The following SNRPB variants were observed in gnomAD, a reference collection of about 807,000 sequenced individuals.
SNRPB encodes small nuclear ribonucleoprotein-associated proteins B and B'.
SNRPB carries 5 observed loss-of-function variants against 26.6 expected under a neutral mutation model. The ratio of observed to expected loss-of-function variants is 0.19; its 90% CI spans 0.10 to 0.39. The LOEUF (loss-of-function observed/expected upper bound fraction) is 0.39, where lower values mean the gene tolerates loss of function less well. Among genes scored for constraint, SNRPB ranks in the 10% least tolerant of loss-of-function variants. The pLI is 1.00. For synonymous variants in SNRPB, 122 were observed against 105.8 expected, an observed-to-expected ratio of 1.15 and a Z score of -0.94; for missense variants, 211 against 311.9, an observed-to-expected ratio of 0.68 and a Z score of 2.44.
rs1353147727 is a variant in SNRPB, at chr20:2,463,772, C to A, written c.395G>T (p.Arg132Leu). The A allele has an allele frequency of 6.3e-7, 1 of 1,599,362 alleles. No homozygotes were observed. The highest frequency in any genetic ancestry group is 8.5e-7 in the Non-Finnish European group (1 of 1,174,716). The change falls in exon 4 of 7, where the codon CGT becomes CTT. Residue 132 changes from arginine to leucine, a missense_variant. Arg to Leu is a moderately radical substitution (Grantham distance 102). Coordinates refer to ENST00000381342, the MANE Select transcript of SNRPB (RefSeq NM_003091.4). This position sits in a 1 kb window ranked among gnomAD's most constrained non-coding sequence, Gnocchi z 5.0. Reference protein sequence around the residue: ...QAPAGLAGPVRGVGGPSQQVM... With the variant: ...QAPAGLAGPVLGVGGPSQQVM... ...CTGTTGGGATGGCCCGCCAACCCCA[C>A]GGACTGGCCCAGCAAGTCCTGCAGG...
In SNRPB at chr20:2,470,736, A is replaced by G. The variant is rs1600004954; in HGVS notation, c.-46T>C. 2.5e-6 allele frequency: 4 copies of G among 1,609,054 alleles called. No homozygotes were observed. Among genetic ancestry groups the G allele is most frequent in the Non-Finnish European group, 3.4e-6 (4 of 1,178,350 alleles). On this transcript the variant is annotated 5_prime_UTR_variant, in exon 1 of 7. Coordinates refer to ENST00000381342, the MANE Select transcript of SNRPB (RefSeq NM_003091.4). ...TGATACCCGCCGGATTCGCCTCCTC[A>G]GAGGCCTAGCCTCTCTCCCACAGCC...
In SNRPB at chr20:2,463,804, G is replaced by A. The variant is rs781100467; in HGVS notation, c.363C>T (p.Pro121=). The change falls in exon 4 of 7, where the codon CCC becomes CCT. Residue 121 remains proline (P), a synonymous_variant. Coordinates refer to ENST00000381342, the MANE Select transcript of SNRPB (RefSeq NM_003091.4). This position sits in a 1 kb window ranked among gnomAD's most constrained non-coding sequence, Gnocchi z 5.0. ...GCCCAGCAAGTCCTGCAGGAGCCTGGGGCATGGGAACCCCAGCTGGGATTC... is the reference window on the plus strand; with the variant it reads ...GCCCAGCAAGTCCTGCAGGAGCCTGAGGCATGGGAACCCCAGCTGGGATTC... ...GRGIPAGVPM[P]QAPAGLAGPV... 2.5e-6 allele frequency: 4 copies of A among 1,613,294 alleles called. No homozygotes were observed. The highest frequency in any genetic ancestry group is 1.7e-5 in the Admixed American group (1 of 59,904).
intron 2 of SNRPB, chr20:2,467,073 C>T (rs2085079207): frequency 3.4e-6 from 1 of 296,090 alleles, no homozygotes. Context: ...AGACTCAAGG[C>T]AAGGGAGTTA....
rs568604951 is a variant in SNRPB, at chr20:2,469,106, C to G, written c.4-1348G>C. ...TGTTTACTGGGTGCTCACTGTGTAT[C>G]TGGCACTGTGATAAGCACAGTACAT... On this transcript the variant is annotated intron_variant, in intron 1 of 6. Transcript: ENST00000381342. 2.0e-5 allele frequency among the ~76,000 whole-genome samples: 3 copies of G among 152,294 alleles called. No individual in the cohort carries two copies. In the East Asian group the frequency reaches 5.8e-4, roughly 29 times the overall value.
intron 2 of SNRPB, among the ~76,000 whole-genome samples, chr20:2,466,919 G>A (rs1015678217): frequency 1.3e-5 from 2 of 152,154 alleles, no homozygotes; most frequent in Non-Finnish European, 2.9e-5. Context: ...GTGAGTGACA[G>A]AATAATATGG....
intron 3 of SNRPB, among the ~76,000 whole-genome samples, 172 bp from the exon 4 acceptor site, chr20:2,464,071 A>T (rs114724928): frequency 7.7e-4 from 117 of 152,354 alleles, no homozygotes; most frequent in African/African-American, 2.7e-3. Flanking sequence ...ATCCAAGACT[A>T]TGAGTTATCC....
intron 3 of SNRPB, among the ~76,000 whole-genome samples, chr20:2,465,156 A>C (rs1489129643): frequency 6.6e-6 from 1 of 152,228 alleles, no homozygotes; most frequent in Non-Finnish European, 1.5e-5. Context: ...ATTCTCAGTA[A>C]CTATGAACTG....
At chr20:2,470,268 C>T (rs1228401673) in intron 1 of SNRPB, among the ~76,000 whole-genome samples, 2 of 142,948 alleles carry the variant, frequency 1.4e-5, no homozygotes, top group Admixed American at 1.4e-4. Context: ...GCCCCTTCCA[C>T]CCACTTCCGC....
intron 2 of SNRPB, among the ~76,000 whole-genome samples, chr20:2,466,694 T>C (rs1450404261): frequency 6.6e-6 from 1 of 152,236 alleles, no homozygotes; most frequent in African/African-American, 2.4e-5. Flanking sequence ...GTATTTTAGT[T>C]TCTATTCATA....
intron 6 of SNRPB, 32 bp from the exon 7 acceptor site, chr20:2,461,971 C>G: frequency 6.5e-7 from 1 of 1,546,976 alleles, no homozygotes; most frequent in Non-Finnish European, 8.9e-7. Context: ...TAGTCAGTGC[C>G]TGATCTGCAA....
rs761507316 is a variant in SNRPB at position 2,470,716 on chromosome 20, C to G, written c.-26G>C. The G allele has an allele frequency of 6.2e-7, 1 of 1,612,800 alleles. No individual in the cohort carries two copies. Among genetic ancestry groups the G allele is most frequent in the Non-Finnish European group, 8.5e-7 (1 of 1,179,928 alleles). ...GGTGGCGGTTCTGATGGCTCTGATA[C>G]CCGCCGGATTCGCCTCCTCAGAGGC... On this transcript the variant is annotated 5_prime_UTR_variant, in exon 1 of 7. Coordinates refer to ENST00000381342, the MANE Select transcript of SNRPB (RefSeq NM_003091.4).
At position 2,470,711 on chromosome 20, in the gene SNRPB, T is replaced by C; in HGVS notation, c.-21A>G. On this transcript the variant is annotated 5_prime_UTR_variant, in exon 1 of 7. Coordinates refer to ENST00000381342, the MANE Select transcript of SNRPB (RefSeq NM_003091.4). ...ACCATGGTGGCGGTTCTGATGGCTC[T>C]GATACCCGCCGGATTCGCCTCCTCA... 1 of 1,613,286 alleles carries C rather than the reference T, an allele frequency of 6.2e-7. No homozygotes were observed. The highest frequency in any genetic ancestry group is 1.1e-5 in the South Asian group (1 of 91,078).
chr20:2,468,672 TCCCGG>T, intron 1 of SNRPB, among the ~76,000 whole-genome samples: 2 of 152,334 alleles, frequency 1.3e-5, no homozygotes, highest in South Asian at 4.1e-4. Context: ...ACTCCTGCAA[TCCCGG>T]CATTTTGGGA....
chr20:2,466,858 C>T (rs984592723), intron 2 of SNRPB, among the ~76,000 whole-genome samples: 6 of 152,270 alleles, frequency 3.9e-5, no homozygotes, highest in South Asian at 4.1e-4. Flanking sequence ...TACTTCTTGA[C>T]CTTGGGTCAC....
At position 2,465,825 on chromosome 20, in the gene SNRPB, G is replaced by A. The variant is rs2085069759; in HGVS notation, c.156-6C>T. 4.3e-6 allele frequency: 7 copies of A among 1,611,820 alleles called. No individual in the cohort carries two copies. Among genetic ancestry groups the A allele is most frequent in the Admixed American group, 1.7e-5 (1 of 59,978 alleles). The stretch of plus-strand genomic sequence containing the variant: ...CTTGTTTGGAGTTCTTTGGCCTAAA[G>A]AGAGGTTTAGAAGGAACAAAAAAAG... On this transcript the variant is annotated splice_region_variant and splice_polypyrimidine_tract_variant and intron_variant, in intron 2 of 6. Transcript: ENST00000381342.
Position 2,465,816 on chromosome 20 carries a change from T to C in SNRPB, c.159A>G (p.Pro53=). ...CCCTTTCTGCTTGTTTGGAGTTCTT[T>C]GGCCTAAAGAGAGGTTTAGAAGGAA... The part of the protein sequence containing the change: ...CDCDEFRKIK[P]KNSKQAEREE... Residue 53 remains proline (P), a synonymous_variant, in exon 3 of 7, where the codon CCA becomes CCG. Coordinates refer to ENST00000381342, the MANE Select transcript of SNRPB (RefSeq NM_003091.4). 6.2e-7 allele frequency: 1 copy of C among 1,613,424 alleles called. No homozygotes were observed. The highest frequency in any genetic ancestry group is 8.5e-7 in the Non-Finnish European group (1 of 1,179,676).
intron 2 of SNRPB, 149 bp downstream of exon 2, chr20:2,467,458 C>T (rs921808411): frequency 1.3e-5 from 9 of 705,942 alleles, no homozygotes; most frequent in African/African-American, 9.0e-5. Context: ...GATTTCTTAG[C>T]GTTCAATGTC....
In SNRPB at chr20:2,463,717, G is replaced by A; in HGVS notation, c.420+30C>T. The A allele has an allele frequency of 6.6e-7, 1 of 1,525,544 alleles. No homozygotes were observed. Among genetic ancestry groups the A allele is most frequent in the Non-Finnish European group, 8.8e-7 (1 of 1,134,444 alleles). The allele number at this position is 1,525,544 out of a possible 1,614,324, so 94.5% of individuals were successfully genotyped here. ...CCTTTATCCTTTATTTTAGCCACCA[G>A]GAGGTGGTACCCTTTCCCCAACTCC... On this transcript the variant is annotated intron_variant, in intron 4 of 6. Coordinates refer to ENST00000381342, the MANE Select transcript of SNRPB (RefSeq NM_003091.4). This position sits in a 1 kb window ranked among gnomAD's most constrained non-coding sequence, Gnocchi z 5.0.
rs933467741 is a variant in SNRPB, at chr20:2,464,003, C to A, written c.268-104G>T. 3.5e-5 allele frequency: 34 copies of A among 962,066 alleles called. No homozygotes were observed. In the African/African-American group the frequency reaches 5.8e-4, roughly 17 times the overall value. 59.6% of individuals were successfully genotyped at this position (962,066 alleles called of 1,614,324 possible). A position where few individuals can be genotyped will look rare whatever the true frequency, so the allele number is the denominator to read the frequency against. ...AGCCCCTCGAAATAGCTTATAAATA[C>A]TATCGAAATAGCTTATAAATACTAC... is the stretch of plus-strand genomic sequence containing the variant. On this transcript the variant is annotated intron_variant, in intron 3 of 6. Transcript: ENST00000381342.
Sources: gnomAD v4.1 joint callset for allele counts (sites outside exome capture counted in the v4.1 genomes callset) on GRCh38, gnomAD v4.1.1 for gene constraint, Gnocchi (gnomAD v3.1) non-coding constraint, MANE v1.5 for transcripts, NCBI Gene and HGNC (gene_info 2026-07-23, HGNC 2026-07-21) for gene names.